SVOPL: variants seen among roughly 807,000 people sequenced by gnomAD.
SVOPL encodes SVOP like.
Under a neutral mutation model 61.0 loss-of-function variants are expected in SVOPL, and 60 were observed. The ratio of observed to expected loss-of-function variants is 0.98; its 90% CI spans 0.80 to 1.22. The LOEUF is 1.22. Ranked by LOEUF, SVOPL falls within the 50% of genes most tolerant of loss-of-function variation. The pLI, the probability that SVOPL is intolerant of heterozygous loss-of-function variation, is 0.00. For synonymous variants in SVOPL, 279 were observed against 250.0 expected, an observed-to-expected ratio of 1.12 and a Z score of -1.09; for missense variants, 662 against 643.9, an observed-to-expected ratio of 1.03 and a Z score of -0.30.
At chr7:138,600,219 C>G (rs1308699456) in intron 14 of SVOPL, among the ~76,000 whole-genome samples, 3 of 152,184 alleles carry the variant, frequency 2.0e-5, no homozygotes, top group Non-Finnish European at 4.4e-5. Flanking sequence ...TAAATGAAAG[C>G]TGCTCAAATT....
At chr7:138,666,507 A>G (rs2117099970) in intron 4 of SVOPL, among the ~76,000 whole-genome samples, 1 of 152,334 alleles carries the variant, frequency 6.6e-6, no homozygotes, top group East Asian at 1.9e-4. Flanking sequence ...CTCCAGGTCA[A>G]GGGTTCAGGG....
chr7:138,659,802 G>T, intron 6 of SVOPL, 62 bp downstream of exon 6: 1 of 1,466,970 alleles, frequency 6.8e-7, no homozygotes, highest in Non-Finnish European at 9.3e-7. Flanking sequence ...CGCAGTGTGT[G>T]TGCATCAGGG....
chr7:138,662,783 A>T (rs1802056147), intron 5 of SVOPL: 3 of 1,207,852 alleles, frequency 2.5e-6, no homozygotes, highest in Non-Finnish European at 3.1e-6. Flanking sequence ...AGAGCCACTT[A>T]GCGGCCTTCC....
intron 4 of SVOPL, among the ~76,000 whole-genome samples, chr7:138,671,185 C>G (rs370546567): frequency 1.3e-5 from 2 of 152,070 alleles, no homozygotes; most frequent in African/African-American, 4.8e-5. Flanking sequence ...CTGGCCCTGC[C>G]CACCTCTGCA....
chr7:138,647,018 G>A (rs944294406), intron 8 of SVOPL, among the ~76,000 whole-genome samples: 9 of 152,218 alleles, frequency 5.9e-5, no homozygotes, highest in African/African-American at 2.2e-4. Flanking sequence ...TCATGAGGAA[G>A]ACTTGAAGGT....
At chr7:138,613,474 T>C (rs1256346197) in intron 14 of SVOPL, among the ~76,000 whole-genome samples, 2 of 152,188 alleles carry the variant, frequency 1.3e-5, no homozygotes, top group East Asian at 1.9e-4. Context: ...TGGCTCACCA[T>C]GGCTATTTCC....
intron 10 of SVOPL, among the ~76,000 whole-genome samples, chr7:138,629,620 A>G (rs1800079111): frequency 6.6e-6 from 1 of 152,188 alleles, no homozygotes; most frequent in Non-Finnish European, 1.5e-5. Flanking sequence ...CTTTATAGTT[A>G]GCATGTTTTA....
At position 138,656,033 on chromosome 7, in the gene SVOPL, A is replaced by G. The variant is rs181833700; in HGVS notation, c.534+415T>C. Reference sequence around the variant, plus strand: ...GAAGTCCATTGATGTGGCAAACTTCATTGTTATCTTTTTTTAAGGAATTGC... The same window carrying G: ...GAAGTCCATTGATGTGGCAAACTTCGTTGTTATCTTTTTTTAAGGAATTGC... On this transcript the variant is annotated intron_variant, in intron 7 of 15. Coordinates refer to ENST00000674285, the MANE Select transcript of SVOPL (RefSeq NM_001139456.2). Among the ~76,000 whole-genome samples the G allele has an allele frequency of 2.6e-5, 4 of 152,250 alleles. No individual in the cohort carries two copies. In the East Asian group the frequency reaches 7.7e-4, roughly 29 times the overall value.
intron 1 of SVOPL, among the ~76,000 whole-genome samples, chr7:138,695,664 G>A (rs1803049417): frequency 6.6e-6 from 1 of 152,166 alleles, no homozygotes; most frequent in Non-Finnish European, 1.5e-5. Flanking sequence ...TTCAAAAGAA[G>A]TAGTAGTTGA....
At chr7:138,667,873 T>G (rs778843082) in intron 4 of SVOPL, among the ~76,000 whole-genome samples, 1 of 152,000 alleles carries the variant, frequency 6.6e-6, no homozygotes, top group Non-Finnish European at 1.5e-5. Context: ...GTAACTTACT[T>G]TATAGTTTAA....
chr7:138,681,242 T>A (rs958794839), intron 1 of SVOPL, among the ~76,000 whole-genome samples: 2 of 148,066 alleles, frequency 1.4e-5, no homozygotes, highest in Non-Finnish European at 3.0e-5. Flanking sequence ...ATAACATATA[T>A]AATAAATATA....
At chr7:138,656,867 A>T (rs2117057854) in intron 6 of SVOPL, among the ~76,000 whole-genome samples, 1 of 151,192 alleles carries the variant, frequency 6.6e-6, no homozygotes, top group African/African-American at 2.4e-5. Context: ...ACATGGAAAA[A>T]CCCCGTTTCT....
intron 12 of SVOPL, 192 bp from the exon 13 acceptor site, chr7:138,626,242 C>T: frequency 1.7e-6 from 1 of 593,948 alleles, no homozygotes; most frequent in African/African-American, 1.9e-5. Context: ...ACTCCCACTG[C>T]CTTCTCCATT....
intron 8 of SVOPL, among the ~76,000 whole-genome samples, chr7:138,648,532 CCAAAAAAA>C (rs1250382989): frequency 9.6e-6 from 1 of 104,058 alleles, no homozygotes; most frequent in Non-Finnish European, 1.8e-5. Context: ...TACTAAAAAT[CCAAAAAAA>C]AAAAAAAAAA....
At chr7:138,681,090 A>G (rs571761521) in intron 1 of SVOPL, among the ~76,000 whole-genome samples, 1 of 151,658 alleles carries the variant, frequency 6.6e-6, no homozygotes, top group African/African-American at 2.4e-5. Context: ...AAAAAGATAA[A>G]TATAAAATCA....
intron 14 of SVOPL, among the ~76,000 whole-genome samples, chr7:138,613,747 A>T (rs1362688302): frequency 6.6e-6 from 1 of 152,180 alleles, no homozygotes; most frequent in Non-Finnish European, 1.5e-5. Context: ...CTTGAATGTA[A>T]GCCTCTTGAG....
Position 138,594,564 on chromosome 7 carries a change from G to A in SVOPL, c.*46C>T. 6.3e-7 allele frequency: 1 copy of A among 1,575,366 alleles called. No individual in the cohort carries two copies. Among genetic ancestry groups the A allele is most frequent in the Non-Finnish European group, 8.6e-7 (1 of 1,161,974 alleles). ...TAAAAAAATGCACCGCAGTTCTGAA[G>A]ATAGAATTCATTTTTCTCATCTGGT... On this transcript the variant is annotated 3_prime_UTR_variant, in exon 16 of 16. Transcript: ENST00000674285.
At chr7:138,699,067 G>C (rs889133043) in intron 1 of SVOPL, among the ~76,000 whole-genome samples, 1 of 152,018 alleles carries the variant, frequency 6.6e-6, no homozygotes, top group African/African-American at 2.4e-5. Flanking sequence ...CAGGAGAATT[G>C]CTTGAACCCA....
rs1217388431 is a variant in SVOPL, at chr7:138,661,027, TA to T, written c.346-1040del. The T allele has an allele frequency of 4.1e-6, 4 of 983,662 alleles. No homozygotes were observed. The African/African-American group carries it at 7.0e-5, about 17-fold the overall frequency. The allele number at this position is 983,662 out of a possible 1,614,324, so 60.9% of individuals were successfully genotyped here. The stretch of plus-strand genomic sequence containing the variant: ...TTCTTGATAATTTGTATTTCTTTTA[TA>T]AAATGCCTTTTTGTGCTTTTTTGAG... On this transcript the variant is annotated intron_variant, in intron 5 of 15. Coordinates refer to ENST00000674285, the MANE Select transcript of SVOPL (RefSeq NM_001139456.2).
Sources: allele counts gnomAD v4.1 joint callset (sites outside exome capture counted in the v4.1 genomes callset), GRCh38; gene constraint gnomAD v4.1.1; transcripts MANE v1.5; gene names NCBI Gene and HGNC (gene_info 2026-07-23, HGNC 2026-07-21).